GPC3: variants seen among roughly 807,000 people sequenced by gnomAD.
The protein encoded by GPC3 is glypican 3.
A neutral mutation model predicts 34.4 loss-of-function variants in GPC3; 3 were observed. The observed-to-expected ratio is 0.09, with a 90% CI of 0.04 to 0.23. The LOEUF (loss-of-function observed/expected upper bound fraction) is 0.23, where lower values mean the gene tolerates loss of function less well. GPC3 is among the 10% of genes least tolerant of loss of function. The pLI, the probability that GPC3 is intolerant of heterozygous loss-of-function variation, is 1.00. For synonymous variants in GPC3, 177 were observed against 174.0 expected (o/e 1.02, Z -0.13); for missense variants, 351 against 445.6 (o/e 0.79, Z 1.91).
chrX:133,906,479 T>TGAA (rs886987579), intron 2 of GPC3, among the ~76,000 whole-genome samples: 3 of 112,501 alleles, frequency 2.7e-5, no homozygotes, highest in African/African-American at 9.7e-5. Context: ...AAATTACTTG[T>TGAA]AATAGATGCA....
intron 7 of GPC3, among the ~76,000 whole-genome samples, chrX:133,578,462 G>C (rs147949476): frequency 0.012 from 1,313 of 111,960 alleles, 27 homozygotes; most frequent in African/African-American, 0.039. Flanking sequence ...ACTGAGGTGG[G>C]TGGATCGTTT....
At chrX:133,788,087 T>TA in intron 2 of GPC3, among the ~76,000 whole-genome samples, 1 of 40,068 alleles carries the variant, frequency 2.5e-5, no homozygotes, top group Non-Finnish European at 4.5e-5. Context: ...ATCATATTAT[T>TA]TTATATATAT....
intron 3 of GPC3, among the ~76,000 whole-genome samples, chrX:133,701,842 A>G (rs963040809): frequency 3.6e-5 from 4 of 111,972 alleles, no homozygotes; most frequent in Admixed American, 1.9e-4. Context: ...ATATAAATAA[A>G]TTCTCGAATT....
At chrX:133,880,203 T>A (rs1422941559) in intron 2 of GPC3, among the ~76,000 whole-genome samples, 1 of 112,478 alleles carries the variant, frequency 8.9e-6, no homozygotes, top group African/African-American at 3.2e-5. Flanking sequence ...TTAGATATCC[T>A]GAAGGAAGCC....
chrX:133,559,625 C>T (rs1166699248), intron 7 of GPC3, among the ~76,000 whole-genome samples: 1 of 111,631 alleles, frequency 9.0e-6, no homozygotes, highest in Non-Finnish European at 1.9e-5. Context: ...GACTGATCCA[C>T]AGACCTTTCC....
intron 3 of GPC3, among the ~76,000 whole-genome samples, chrX:133,746,048 T>C (rs2071608589): frequency 8.9e-6 from 1 of 111,993 alleles, no homozygotes. Flanking sequence ...GTCATTCAGC[T>C]CTCTTTGCCT....
At chrX:133,841,160 C>A (rs1788735280) in intron 2 of GPC3, among the ~76,000 whole-genome samples, 1 of 104,045 alleles carries the variant, frequency 9.6e-6, no homozygotes, top group African/African-American at 3.4e-5. Flanking sequence ...CCTCCCACAT[C>A]AGCCTCTTGA....
chrX:133,661,101 C>G (rs1028655334), intron 6 of GPC3, among the ~76,000 whole-genome samples: 1 of 111,007 alleles, frequency 9.0e-6, no homozygotes, highest in African/African-American at 3.3e-5. Flanking sequence ...CCCAGGAGGT[C>G]AAGACTGCAG....
intron 7 of GPC3, among the ~76,000 whole-genome samples, chrX:133,555,431 G>A (rs868657704): frequency 8.9e-6 from 1 of 112,081 alleles, no homozygotes; most frequent in Non-Finnish European, 1.9e-5. Flanking sequence ...TCTGTTTATC[G>A]CTGAGGATTC....
intron 2 of GPC3, among the ~76,000 whole-genome samples, chrX:133,843,959 A>C (rs1225286194): frequency 8.9e-6 from 1 of 112,112 alleles, no homozygotes; most frequent in African/African-American, 3.2e-5. Context: ...CAAGAGATAA[A>C]GTCTTACATA....
At chrX:133,691,787 A>C (rs773945922) in intron 5 of GPC3, among the ~76,000 whole-genome samples, 2 of 112,177 alleles carry the variant, frequency 1.8e-5, no homozygotes, top group Non-Finnish European at 3.8e-5. Context: ...AAATCAAATA[A>C]ATAAGGACCC....
chrX:133,983,752 G>GTTGTT (rs1327806384), intron 1 of GPC3, among the ~76,000 whole-genome samples: 1,246 of 111,069 alleles, frequency 0.011, 23 homozygotes, highest in African/African-American at 0.038. Context: ...GAGAGAGATT[G>GTTGTT]GCCAGTTGTT....
chrX:133,590,690 C>A (rs1326466589), intron 7 of GPC3, among the ~76,000 whole-genome samples: 1 of 111,406 alleles, frequency 9.0e-6, no homozygotes, highest in African/African-American at 3.3e-5. Flanking sequence ...ATGTGGGGAG[C>A]CCTTGGTAAG....
rs1345838905 is a variant in GPC3 at position 133,699,883 on chromosome X, G to T, written c.1166+12C>A. The T allele has an allele frequency of 8.4e-7, 1 of 1,195,868 alleles. No homozygotes were observed. Among genetic ancestry groups the T allele is most frequent in the Non-Finnish European group, 1.1e-6 (1 of 885,391 alleles). On this transcript the variant is annotated intron_variant, in intron 4 of 7. Transcript: ENST00000370818. ...ATTGTATTGTGGAATAAAGAAAAAA[G>T]AAACCTCTCACCTTCTTCGGCTGGA...
At chrX:133,795,037 G>T (rs2075571394) in intron 2 of GPC3, among the ~76,000 whole-genome samples, 1 of 111,913 alleles carries the variant, frequency 8.9e-6, no homozygotes, top group African/African-American at 3.2e-5. Flanking sequence ...CACAGAAGGG[G>T]CTCTTTAGAA....
chrX:133,984,601 T>C (rs987294423), intron 1 of GPC3, among the ~76,000 whole-genome samples: 1 of 111,718 alleles, frequency 9.0e-6, no homozygotes, highest in Non-Finnish European at 1.9e-5. Context: ...TTTGGACTCC[T>C]GCTCCCTGGG....
chrX:133,890,985 C>T (rs1033794804), intron 2 of GPC3, among the ~76,000 whole-genome samples: 4 of 109,606 alleles, frequency 3.6e-5, no homozygotes, highest in African/African-American at 1.3e-4. Context: ...GCCATGATGG[C>T]ACCACTGCAG....
chrX:133,625,232 A>C (rs2070286376), intron 6 of GPC3, among the ~76,000 whole-genome samples: 1 of 112,009 alleles, frequency 8.9e-6, no homozygotes, highest in African/African-American at 3.2e-5. Flanking sequence ...AAAAACTGGA[A>C]GCATTTCCTT....
intron 2 of GPC3, among the ~76,000 whole-genome samples, chrX:133,905,064 C>T (rs2076162248): frequency 8.9e-6 from 1 of 111,876 alleles, no homozygotes; most frequent in South Asian, 3.8e-4. Flanking sequence ...CCTCACCAAG[C>T]ACCAACAGTT....
Sources: allele counts gnomAD v4.1 joint callset (sites outside exome capture counted in the v4.1 genomes callset), GRCh38; gene constraint gnomAD v4.1.1; transcripts MANE v1.5; gene names NCBI Gene and HGNC (gene_info 2026-07-23, HGNC 2026-07-21).